Variants in KCNMA1 observed in about 807,000 individuals in gnomAD.
KCNMA1 encodes potassium calcium-activated channel subfamily M alpha 1, also known as Calcium-activated potassium channel subunit alpha-1.
A neutral mutation model predicts 140.0 loss-of-function variants in KCNMA1; 29 were observed. The ratio of observed to expected loss-of-function variants is 0.21; its 90% CI spans 0.15 to 0.28. The LOEUF (loss-of-function observed/expected upper bound fraction) is 0.28, where lower values mean the gene tolerates loss of function less well. KCNMA1 is among the 10% of genes least tolerant of loss of function. The pLI is 1.00. For synonymous variants in KCNMA1, 612 were observed against 611.9 expected, an observed-to-expected ratio of 1.00 and a Z score of 0.00; for missense variants, 880 against 1,602.2, an observed-to-expected ratio of 0.55 and a Z score of 7.70.
In KCNMA1 at chr10:77,086,478, T is replaced by C; in HGVS notation, c.1440+10A>G. 1 of 1,591,402 alleles carries C rather than the reference T, an allele frequency of 6.3e-7. No homozygotes were observed. The highest frequency in any genetic ancestry group is 8.6e-7 in the Non-Finnish European group (1 of 1,159,134). On this transcript the variant is annotated intron_variant, in intron 11 of 27. Transcript: ENST00000286628. ...TGGAATAAAAGCAGAAGTCACCTCTTCCTCCTTACCTTGACTCTTGCAAGA... is the reference window on the plus strand; with the variant it reads ...TGGAATAAAAGCAGAAGTCACCTCTCCCTCCTTACCTTGACTCTTGCAAGA...
chr10:77,579,210 T>C lies in KCNMA1; in HGVS notation c.378+58055A>G, dbSNP rs564728333. On this transcript the variant is annotated intron_variant, in intron 1 of 27. Coordinates refer to ENST00000286628, the MANE Select transcript of KCNMA1 (RefSeq NM_001161352.2). ...AAAGCACAGAGGTGGAAATGGCCCA[T>C]GCAGGGCATCTGCCGGCAGCTGGGA... 7.2e-5 allele frequency among the ~76,000 whole-genome samples: 11 copies of C among 152,330 alleles called. No individual in the cohort carries two copies. In the South Asian group the frequency reaches 2.3e-3, roughly 32 times the overall value.
chr10:77,418,077 A>C (rs1423231912), intron 1 of KCNMA1, among the ~76,000 whole-genome samples: 1 of 152,234 alleles, frequency 6.6e-6, no homozygotes, highest in African/African-American at 2.4e-5. Context: ...GTTTGGATCT[A>C]GGTCTCCAAC....
chr10:77,317,131 C>A (rs2081096123), intron 2 of KCNMA1, among the ~76,000 whole-genome samples: 2 of 152,184 alleles, frequency 1.3e-5, no homozygotes, highest in Non-Finnish European at 2.9e-5. Context: ...ACCACTTAGA[C>A]TGCCAACTGC....
intron 16 of KCNMA1, among the ~76,000 whole-genome samples, chr10:77,024,462 C>A (rs2093201883): frequency 1.3e-5 from 2 of 151,938 alleles, no homozygotes; most frequent in Non-Finnish European, 1.5e-5. Context: ...AGAAAAGTAA[C>A]TTGAAAAGAT....
At chr10:77,044,194 A>C (rs1348598078) in intron 14 of KCNMA1, among the ~76,000 whole-genome samples, 1 of 152,168 alleles carries the variant, frequency 6.6e-6, no homozygotes, top group Non-Finnish European at 1.5e-5. Flanking sequence ...CAAACTCAGC[A>C]ACAGAACTTC....
At chr10:77,458,067 C>G (rs1324034955) in intron 1 of KCNMA1, among the ~76,000 whole-genome samples, 1 of 152,184 alleles carries the variant, frequency 6.6e-6, no homozygotes, top group Non-Finnish European at 1.5e-5. Context: ...GCTACTAAGT[C>G]CTCCCTGCCA....
At chr10:77,301,931 A>G (rs1006829028) in intron 2 of KCNMA1, among the ~76,000 whole-genome samples, 2 of 151,514 alleles carry the variant, frequency 1.3e-5, no homozygotes, top group Non-Finnish European at 2.9e-5. Context: ...AACAAACCCA[A>G]CTAAAGCCAG....
In KCNMA1 at chr10:77,235,746, T is replaced by C. The variant is rs75722809; in HGVS notation, c.602+15449A>G. 8.7e-3 allele frequency among the ~76,000 whole-genome samples: 1,322 copies of C among 152,314 alleles called. 20 individuals carry two copies. The highest frequency in any genetic ancestry group is 0.03 in the African/African-American group (1,241 of 41,576). ...GCATTTTCCTCTCCTCTGCTATTCA[T>C]GCAAGTGATCAAAGGACCCACTTCC... On this transcript the variant is annotated intron_variant, in intron 3 of 27. Coordinates refer to ENST00000286628, the MANE Select transcript of KCNMA1 (RefSeq NM_001161352.2).
At chr10:77,307,291 G>T (rs553880777) in intron 2 of KCNMA1, among the ~76,000 whole-genome samples, 1 of 152,216 alleles carries the variant, frequency 6.6e-6, no homozygotes, top group East Asian at 1.9e-4. Context: ...CCCTGTACAT[G>T]CAGACACAGT....
At chr10:77,416,231 G>T (rs1011594279) in intron 1 of KCNMA1, among the ~76,000 whole-genome samples, 4 of 152,086 alleles carry the variant, frequency 2.6e-5, no homozygotes, top group African/African-American at 9.7e-5. Flanking sequence ...AGGCAGCCTT[G>T]GGGCCAGGAA....
intron 3 of KCNMA1, among the ~76,000 whole-genome samples, chr10:77,220,745 C>T (rs1259362985): frequency 6.7e-6 from 1 of 149,604 alleles, no homozygotes. Context: ...CCCCCTTAGC[C>T]ATATATTCCA....
chr10:76,991,043 T>G (rs1431864298), intron 19 of KCNMA1, among the ~76,000 whole-genome samples: 4 of 152,144 alleles, frequency 2.6e-5, no homozygotes, highest in Admixed American at 1.3e-4. Context: ...AGAGTCAAAT[T>G]ACCCTGACCG....
At chr10:76,971,288 T>C (rs1291867761) in intron 19 of KCNMA1, among the ~76,000 whole-genome samples, 3 of 152,186 alleles carry the variant, frequency 2.0e-5, no homozygotes, top group Non-Finnish European at 4.4e-5. Flanking sequence ...TATATGTTAA[T>C]GGTGTAGGAG....
chr10:77,535,835 A>G (rs2058760931), intron 1 of KCNMA1, among the ~76,000 whole-genome samples: 1 of 152,240 alleles, frequency 6.6e-6, no homozygotes, highest in African/African-American at 2.4e-5. Flanking sequence ...GGAAGCTAAA[A>G]AACTATCTCA....
intron 19 of KCNMA1, among the ~76,000 whole-genome samples, chr10:77,000,612 T>C (rs2085916489): frequency 6.6e-6 from 1 of 152,034 alleles, no homozygotes; most frequent in South Asian, 2.1e-4. Context: ...CTGACTTAAA[T>C]TTTTTGTTGG....
intron 2 of KCNMA1, among the ~76,000 whole-genome samples, chr10:77,326,200 C>T (rs2084137367): frequency 6.6e-6 from 1 of 152,218 alleles, no homozygotes; most frequent in African/African-American, 2.4e-5. Flanking sequence ...TTGCTCCTGA[C>T]AGGACTGTCT....
At chr10:77,116,197 C>T (rs908485811) in intron 6 of KCNMA1, among the ~76,000 whole-genome samples, 7 of 152,198 alleles carry the variant, frequency 4.6e-5, no homozygotes, top group Admixed American at 3.9e-4. Context: ...CAACTAAAGT[C>T]AATCATTCTC....
At chr10:77,398,391 C>A (rs1566575467) in intron 2 of KCNMA1, among the ~76,000 whole-genome samples, 1 of 152,206 alleles carries the variant, frequency 6.6e-6, no homozygotes, top group Non-Finnish European at 1.5e-5. Context: ...AATAGCCATT[C>A]TGGCTGCTGT....
At chr10:77,368,506 C>A (rs1639323109) in intron 2 of KCNMA1, among the ~76,000 whole-genome samples, 1 of 152,310 alleles carries the variant, frequency 6.6e-6, no homozygotes, top group African/African-American at 2.4e-5. Context: ...TTTTCATTCT[C>A]ATAATAGTAT....
Sources: gnomAD v4.1 joint callset for allele counts (sites outside exome capture counted in the v4.1 genomes callset) on GRCh38, gnomAD v4.1.1 for gene constraint, MANE v1.5 for transcripts, NCBI Gene and HGNC (gene_info 2026-07-23, HGNC 2026-07-21) for gene names.